SYMPK: variants seen among roughly 807,000 people sequenced by gnomAD.
SYMPK encodes the protein symplekin scaffold protein, also known as symplekin.
SYMPK carries 49 observed loss-of-function variants against 136.4 expected under a neutral mutation model. The observed-to-expected ratio is 0.36, with a 90% CI of 0.29 to 0.46. The LOEUF (loss-of-function observed/expected upper bound fraction) is 0.46. SYMPK is among the 20% of genes least tolerant of loss of function. The pLI is 1.00. For missense variants in SYMPK, 1,365 were observed against 1,690.0 expected (o/e 0.81, Z 3.37); for synonymous variants, 766 against 713.0 (o/e 1.07, Z -1.19).
intron 5 of SYMPK, among the ~76,000 whole-genome samples, chr19:45,850,999 C>T (rs368110220): frequency 4.6e-5 from 7 of 151,896 alleles, no homozygotes. Flanking sequence ...AGACAGGCTG[C>T]GAAATCCAAC....
chr19:45,861,479 G>A (rs10416503), intron 1 of SYMPK, among the ~76,000 whole-genome samples: 2,873 of 152,214 alleles, frequency 0.019, 86 homozygotes, highest in African/African-American at 0.064. Flanking sequence ...GGTGACTCAC[G>A]CCTGTAATCC....
intron 10 of SYMPK, among the ~76,000 whole-genome samples, chr19:45,835,436 C>A (rs1324748813): frequency 6.6e-6 from 1 of 152,162 alleles, no homozygotes; most frequent in Non-Finnish European, 1.5e-5. Flanking sequence ...GCACTGTGAG[C>A]CACAGCAGGA....
At chr19:45,818,251 A>C (rs1970801842) in intron 22 of SYMPK, 105 bp from the exon 23 acceptor site, 1 of 1,218,724 alleles carries the variant, frequency 8.2e-7, no homozygotes, top group Non-Finnish European at 1.1e-6. Context: ...AGACTTCTAA[A>C]GCCCTGACTT....
At position 45,842,477 on chromosome 19, in the gene SYMPK, G is replaced by A. The variant is rs775239397; in HGVS notation, c.860C>T (p.Pro287Leu). The change falls in exon 9 of 27, where the codon CCG (proline) becomes CTG (leucine). Residue 287 changes from proline to leucine, a missense_variant. Physicochemically the swap from Pro to Leu is moderately conservative, Grantham distance 98. This residue lies in a region of SYMPK where 237 missense variants were observed against 292.9 expected (regional missense o/e 0.81). Transcript: ENST00000245934. The part of the protein sequence containing the change: ...AYETLHANLP[P>L]TLAKSQVSSV... ...GCTCACCTGCGATTTGGCCAGCGTC[G>A]GGGGCAGGTTGGCTGTGAGGAAAGT... The A allele has an allele frequency of 6.8e-6, 11 of 1,611,528 alleles. No individual in the cohort carries two copies. Among genetic ancestry groups the A allele is most frequent in the South Asian group, 2.2e-5 (2 of 91,044 alleles).
Position 45,827,765 on chromosome 19 carries a change from GT to G in SYMPK, c.2067+71del. 4 of 1,535,770 alleles carry G rather than the reference GT, an allele frequency of 2.6e-6. No individual in the cohort carries two copies. In the East Asian group the frequency reaches 9.0e-5, roughly 35 times the overall value. On this transcript the variant is annotated intron_variant, in intron 15 of 26. Transcript: ENST00000245934. ...CCCCCGGCCACAAGGTTTAGACTGT[GT>G]GCCCTTCAGACCCCTCAGGGCAGGG...
intron 7 of SYMPK, among the ~76,000 whole-genome samples, chr19:45,847,543 A>G (rs1396598063): frequency 6.6e-6 from 1 of 152,188 alleles, no homozygotes; most frequent in Non-Finnish European, 1.5e-5. Context: ...CAAAAAAGAA[A>G]ATGAAGTACA....
rs188928288 is a variant in SYMPK, at chr19:45,848,727, C to T, written c.426+23G>A. 13 of 1,612,916 alleles carry T rather than the reference C, an allele frequency of 8.1e-6. No individual in the cohort carries two copies. The East Asian group carries it at 1.8e-4, about 22-fold the overall frequency. On this transcript the variant is annotated intron_variant, in intron 6 of 26. Coordinates refer to ENST00000245934, the MANE Select transcript of SYMPK (RefSeq NM_004819.3). ...ACGAGACATATCAGGCAGGATGGCC[C>T]TGGGTGGGGAGGGCGCTCTCACCTG...
intron 18 of SYMPK, 78 bp downstream of exon 18, chr19:45,825,093 C>G: frequency 6.5e-7 from 1 of 1,537,010 alleles, no homozygotes; most frequent in South Asian, 1.2e-5. Flanking sequence ...TGAGGTGGAG[C>G]AGGTTGGGGA....
intron 15 of SYMPK, 85 bp downstream of exon 15, chr19:45,827,752 A>G (rs1032032467): frequency 2.0e-6 from 3 of 1,526,390 alleles, no homozygotes; most frequent in South Asian, 2.2e-5. Context: ...CCCGGCCACA[A>G]GGTTTAGACT....
intron 22 of SYMPK, chr19:45,820,991 A>G: frequency 1.7e-6 from 1 of 591,646 alleles, no homozygotes; most frequent in South Asian, 2.0e-5. Context: ...ACCCTGGCCC[A>G]CAAGTGCCCT....
Position 45,838,393 on chromosome 19 carries a change from G to A in SYMPK, c.1242+68C>T. 2.6e-6 allele frequency: 4 copies of A among 1,534,802 alleles called. No homozygotes were observed. The South Asian group carries it at 3.7e-5, about 14-fold the overall frequency. On this transcript the variant is annotated intron_variant, in intron 10 of 26. Transcript: ENST00000245934. ...GAGGAGGTGGATGGTGTGAAGTGGAGGCAGGTGAAAGACCGAGGAGATCCT... is the reference window on the plus strand; with the variant it reads ...GAGGAGGTGGATGGTGTGAAGTGGAAGCAGGTGAAAGACCGAGGAGATCCT...
At chr19:45,842,208 T>C in intron 9 of SYMPK, 42 bp downstream of exon 9, 1 of 1,611,782 alleles carries the variant, frequency 6.2e-7, no homozygotes, top group Non-Finnish European at 8.5e-7. Context: ...AATGAAACAT[T>C]TCAGCATGGT....
chr19:45,827,693 T>C, intron 15 of SYMPK, 70 bp from the exon 16 acceptor site: 1 of 1,524,236 alleles, frequency 6.6e-7, no homozygotes, highest in Non-Finnish European at 9.1e-7. Context: ...CTTTCCTGCC[T>C]GCCTCTGATC....
At chr19:45,824,350 G>A (rs1222191260) in intron 18 of SYMPK, among the ~76,000 whole-genome samples, 2 of 152,120 alleles carry the variant, frequency 1.3e-5, no homozygotes, top group African/African-American at 2.4e-5. Flanking sequence ...GCCCAGTAAC[G>A]TTTACGCTCC....
rs958015968 is a variant in SYMPK, at chr19:45,863,112, C to G, written c.-67G>C. On this transcript the variant is annotated 5_prime_UTR_variant, in exon 1 of 27. Coordinates refer to ENST00000245934, the MANE Select transcript of SYMPK (RefSeq NM_004819.3). ...CCCCTCAGCAGTGCCTCTTCCTACA[C>G]TCCGCCGCCGCCGCCGCCGCCATCT... 2.5e-6 allele frequency: 1 copy of G among 403,152 alleles called. No homozygotes were observed. The highest frequency in any genetic ancestry group is 2.1e-5 in the African/African-American group (1 of 48,482). 25.0% of individuals were successfully genotyped at this position (403,152 alleles called of 1,614,324 possible).
At chr19:45,847,007 T>C (rs1018611783) in intron 7 of SYMPK, among the ~76,000 whole-genome samples, 1 of 151,960 alleles carries the variant, frequency 6.6e-6, no homozygotes, top group Admixed American at 6.6e-5. Context: ...TTGGCCAGGG[T>C]GGTCTCGAAC....
chr19:45,843,234 G>A (rs1971483871), intron 8 of SYMPK, among the ~76,000 whole-genome samples: 1 of 152,070 alleles, frequency 6.6e-6, no homozygotes, highest in Non-Finnish European at 1.5e-5. Flanking sequence ...AACTATGGGG[G>A]GCCATCTTTG....
chr19:45,827,924 A>C lies in SYMPK; in HGVS notation c.1986-6T>G. The C allele has an allele frequency of 6.2e-7, 1 of 1,613,602 alleles. No individual in the cohort carries two copies. The highest frequency in any genetic ancestry group is 8.5e-7 in the Non-Finnish European group (1 of 1,179,894). The stretch of plus-strand genomic sequence containing the variant: ...GCACAACCTTGGTGAAGATCCTGCC[A>C]GAGATGGAGGGAGGGCCATGGCTGC... On this transcript the variant is annotated splice_polypyrimidine_tract_variant and splice_region_variant and intron_variant, in intron 14 of 26. Coordinates refer to ENST00000245934, the MANE Select transcript of SYMPK (RefSeq NM_004819.3).
chr19:45,854,072 G>T, intron 3 of SYMPK, 103 bp downstream of exon 3: 2 of 1,085,880 alleles, frequency 1.8e-6, no homozygotes, highest in South Asian at 1.3e-5. Flanking sequence ...GGCACACACT[G>T]AGTGTGTAAA....
Sources: allele counts gnomAD v4.1 joint callset (sites outside exome capture counted in the v4.1 genomes callset), GRCh38; gene constraint gnomAD v4.1.1; regional missense constraint gnomAD v4.1.1; transcripts MANE v1.5; gene names NCBI Gene and HGNC (gene_info 2026-07-23, HGNC 2026-07-21).